KANK1: variants seen among roughly 807,000 people sequenced by gnomAD.
The protein encoded by KANK1 is KN motif and ankyrin repeat domains 1.
A neutral mutation model predicts 106.2 loss-of-function variants in KANK1; 109 were observed. That is an observed-to-expected ratio of 1.03 (90% CI 0.88 to 1.20). The LOEUF (loss-of-function observed/expected upper bound fraction) is 1.20. KANK1 is among the 50% of genes most tolerant of loss of function. The probability of loss-of-function intolerance (pLI) is 0.00; values close to 1 mark genes in which losing one functional copy is unlikely to be tolerated. For synonymous variants in KANK1, 873 were observed against 652.2 expected (o/e 1.34, Z -5.16); for missense variants, 2,399 against 1,710.7 (o/e 1.40, Z -7.10).
At chr9:557,501 G>A (rs533826473) in intron 1 of KANK1, among the ~76,000 whole-genome samples, 46 of 152,314 alleles carry the variant, frequency 3.0e-4, no homozygotes, top group African/African-American at 1.1e-3. Flanking sequence ...AACTTTAAGT[G>A]ACAATGGGGA....
At chr9:592,917 T>G (rs1825325747) in intron 1 of KANK1, among the ~76,000 whole-genome samples, 1 of 151,852 alleles carries the variant, frequency 6.6e-6, no homozygotes, top group Non-Finnish European at 1.5e-5. Context: ...CTCATTGACT[T>G]GAGCCAAATT....
At chr9:583,514 A>G (rs1822687059) in intron 1 of KANK1, among the ~76,000 whole-genome samples, 1 of 152,082 alleles carries the variant, frequency 6.6e-6, no homozygotes, top group Admixed American at 6.6e-5. Flanking sequence ...TGTAATACAC[A>G]TGACAAAGCT....
chr9:514,141 TC>T (rs2059160083), intron 1 of KANK1, among the ~76,000 whole-genome samples: 3 of 50,060 alleles, frequency 6.0e-5, no homozygotes, highest in African/African-American at 3.6e-4. Context: ...CCTCCCTCCC[TC>T]CCTTCCTCTC....
intron 3 of KANK1, among the ~76,000 whole-genome samples, chr9:494,059 T>C (rs2058421436): frequency 6.6e-6 from 1 of 151,590 alleles, no homozygotes; most frequent in Admixed American, 6.6e-5. Context: ...ATTTTTGTAT[T>C]TTTAGTAGAG....
chr9:576,006 G>A (rs143660508), intron 1 of KANK1, among the ~76,000 whole-genome samples: 1 of 152,366 alleles, frequency 6.6e-6, no homozygotes, highest in Non-Finnish European at 1.5e-5. Flanking sequence ...GTAGGCAACA[G>A]AGTGCAACTG....
In KANK1 at chr9:745,923, A is replaced by G. The variant is rs940310251; in HGVS notation, c.*688A>G. ...GTATTAATTGCACAACTCCAATGCT[A>G]AAGGTTGGATTGTGTTAGAGGAATC... On this transcript the variant is annotated 3_prime_UTR_variant, in exon 12 of 12. Transcript: ENST00000382297. The G allele has an allele frequency of 2.0e-5, 3 of 152,658 alleles. No homozygotes were observed. Among genetic ancestry groups the G allele is most frequent in the Non-Finnish European group, 2.9e-5 (2 of 68,040 alleles). The allele number at this position is 152,658 out of a possible 1,614,324, so 9.5% of individuals were successfully genotyped here. A position where few individuals can be genotyped will look rare whatever the true frequency, so the allele number is the denominator to read the frequency against.
At chr9:639,823 G>T (rs545995268) in intron 1 of KANK1, among the ~76,000 whole-genome samples, 234 of 152,294 alleles carry the variant, frequency 1.5e-3, no homozygotes, top group African/African-American at 5.3e-3. Flanking sequence ...TCAGTATCTG[G>T]TGAGGGCCTG....
chr9:558,080 A>C (rs1208135254), intron 1 of KANK1, among the ~76,000 whole-genome samples: 1 of 152,168 alleles, frequency 6.6e-6, no homozygotes, highest in Non-Finnish European at 1.5e-5. Context: ...GATTAGTCAG[A>C]TGCTGTGAGA....
intron 1 of KANK1, among the ~76,000 whole-genome samples, chr9:611,866 A>T (rs766115885): frequency 6.6e-6 from 1 of 152,016 alleles, no homozygotes; most frequent in Non-Finnish European, 1.5e-5. Context: ...TTACAGGCGC[A>T]TGCCACCACA....
chr9:607,233 C>G (rs1185402478), intron 1 of KANK1, among the ~76,000 whole-genome samples: 2 of 151,734 alleles, frequency 1.3e-5, no homozygotes, highest in East Asian at 1.9e-4. Context: ...TGCCTGTAAT[C>G]CCAGCATTTT....
intron 1 of KANK1, among the ~76,000 whole-genome samples, chr9:577,599 AC>A (rs1820927096): frequency 6.6e-6 from 1 of 152,078 alleles, no homozygotes; most frequent in African/African-American, 2.4e-5. Flanking sequence ...GCTTGTGCCC[AC>A]CCTTCAGACT....
chr9:639,407 C>G (rs773297836), intron 1 of KANK1, among the ~76,000 whole-genome samples: 2 of 152,140 alleles, frequency 1.3e-5, no homozygotes, highest in African/African-American at 2.4e-5. Context: ...ACCTCCTCCT[C>G]CCTGGCTCAA....
intron 1 of KANK1, among the ~76,000 whole-genome samples, chr9:590,860 C>G (rs1213933485): frequency 6.6e-6 from 1 of 151,746 alleles, no homozygotes; most frequent in Non-Finnish European, 1.5e-5. Context: ...TGTGAGGCTG[C>G]TCTGAATTAT....
intron 1 of KANK1, among the ~76,000 whole-genome samples, chr9:590,090 C>T (rs1418026724): frequency 6.6e-6 from 1 of 152,080 alleles, no homozygotes; most frequent in Non-Finnish European, 1.5e-5. Context: ...CTGCAATAAC[C>T]CTCTTGTTTC....
chr9:523,204 G>A (rs1240647023), intron 1 of KANK1, among the ~76,000 whole-genome samples: 2 of 151,426 alleles, frequency 1.3e-5, no homozygotes, highest in Non-Finnish European at 2.9e-5. Context: ...CAAATTCAAC[G>A]TCACCCAAAC....
At chr9:661,448 A>G (rs1843293451) in intron 1 of KANK1, among the ~76,000 whole-genome samples, 1 of 152,176 alleles carries the variant, frequency 6.6e-6, no homozygotes, top group African/African-American at 2.4e-5. Context: ...TACAAAGGAC[A>G]TGAACTCATC....
At chr9:688,793 G>C (rs1819171359) in intron 2 of KANK1, among the ~76,000 whole-genome samples, 1 of 152,138 alleles carries the variant, frequency 6.6e-6, no homozygotes, top group African/African-American at 2.4e-5. Context: ...ACCAGATAGG[G>C]AGGAGGTGGT....
intron 1 of KANK1, among the ~76,000 whole-genome samples, chr9:672,118 A>G (rs1241655868): frequency 6.6e-6 from 1 of 152,114 alleles, no homozygotes; most frequent in Non-Finnish European, 1.5e-5. Context: ...TAGTGCCCTT[A>G]CTCTAAATCA....
chr9:693,799 G>A, intron 2 of KANK1: 1 of 985,354 alleles, frequency 1.0e-6, no homozygotes. Flanking sequence ...AAGTAAGAAT[G>A]CCCACAAAAG....
Sources: gnomAD v4.1 joint callset for allele counts (sites outside exome capture counted in the v4.1 genomes callset) on GRCh38, gnomAD v4.1.1 for gene constraint, MANE v1.5 for transcripts, NCBI Gene and HGNC (gene_info 2026-07-23, HGNC 2026-07-21) for gene names.